ZNF790: variants seen among roughly 807,000 people sequenced by gnomAD.
ZNF790 encodes zinc finger protein 790.
In ZNF790, 8 loss-of-function variants were observed where a neutral mutation model predicts 12.1. The ratio of observed to expected loss-of-function variants is 0.66; its 90% confidence interval spans 0.39 to 1.19. ZNF790 has a LOEUF of 1.19. ZNF790 is among the 50% of genes most tolerant of loss of function. ZNF790 has a pLI of 0.01. For missense variants in ZNF790, 707 were observed against 752.2 expected, an observed-to-expected ratio of 0.94 and a Z score of 0.70; for synonymous variants, 252 against 244.3, an observed-to-expected ratio of 1.03 and a Z score of -0.29.
Position 36,818,149 on chromosome 19 carries a change from C to G in ZNF790, c.*284G>C, listed in dbSNP as rs984729497. On this transcript the variant is annotated 3_prime_UTR_variant, in exon 5 of 5. Coordinates refer to ENST00000356725, the MANE Select transcript of ZNF790 (RefSeq NM_206894.4). Reference sequence around the variant, plus strand: ...AATTATATATAAATTCTTTATGCAACATCTCTGATGAGAATGTTTTGAGAA... The same window carrying G: ...AATTATATATAAATTCTTTATGCAAGATCTCTGATGAGAATGTTTTGAGAA... 4.8e-6 allele frequency: 1 copy of G among 210,152 alleles called. No homozygotes were observed. Among genetic ancestry groups the G allele is most frequent in the Admixed American group, 5.3e-5 (1 of 19,036 alleles). The allele number at this position is 210,152 out of a possible 1,614,324, so 13.0% of individuals were successfully genotyped here.
chr19:36,842,320 C>T (rs547257804), upstream of ZNF790, among the ~76,000 whole-genome samples: 3 of 151,758 alleles, frequency 2.0e-5, no homozygotes, highest in Non-Finnish European at 2.9e-5. Flanking sequence ...AGGGCATAAA[C>T]GGAAATAAAA....
At chr19:36,828,463 CAAAA>C (rs957484149) in intron 1 of ZNF790, among the ~76,000 whole-genome samples, 1 of 116,770 alleles carries the variant, frequency 8.6e-6, no homozygotes. Context: ...AACCCCTTCT[CAAAA>C]AAAAAAAAAA....
intron 1 of ZNF790, among the ~76,000 whole-genome samples, chr19:36,845,351 G>A (rs1005290009): frequency 2.0e-5 from 3 of 151,826 alleles, no homozygotes; most frequent in Admixed American, 6.6e-5. Flanking sequence ...GGGAGGTCGA[G>A]GCTGCAGTGA....
chr19:36,825,047 C>T (rs2071767424), intron 2 of ZNF790, among the ~76,000 whole-genome samples: 1 of 152,126 alleles, frequency 6.6e-6, no homozygotes, highest in Non-Finnish European at 1.5e-5. Flanking sequence ...TTTGTCGATA[C>T]CACTGAGAGG....
At chr19:36,842,445 A>G (rs888943656), upstream of ZNF790, among the ~76,000 whole-genome samples, 1 of 152,168 alleles carries the variant, frequency 6.6e-6, no homozygotes, top group Admixed American at 6.5e-5. Context: ...TAATATTTCT[A>G]GAATTTAAAA....
In ZNF790 at chr19:36,819,570, A is replaced by G. The variant is rs765497109; in HGVS notation, c.774T>C (p.Asp258=). 8.7e-6 allele frequency: 14 copies of G among 1,611,428 alleles called. No homozygotes were observed. Among genetic ancestry groups the G allele is most frequent in the African/African-American group, 1.3e-5 (1 of 74,800 alleles). The change falls in exon 5 of 5, where the codon GAT becomes GAC. Residue 258 remains aspartate (D), a synonymous_variant. Coordinates refer to ENST00000356725, the MANE Select transcript of ZNF790 (RefSeq NM_206894.4). ...AATGAAATCTAAAGGCTTTCCCACAATCCTTACATTTAAAAGGTTTCTCAC... is the reference window on the plus strand; with the variant it reads ...AATGAAATCTAAAGGCTTTCCCACAGTCCTTACATTTAAAAGGTTTCTCAC... ...HTGEKPFKCK[D]CGKAFRFHSQ... is the part of the protein sequence containing the mutation.
chr19:36,827,265 G>C (rs1463992331), intron 1 of ZNF790, among the ~76,000 whole-genome samples: 2 of 150,638 alleles, frequency 1.3e-5, no homozygotes, highest in East Asian at 2.0e-4. Flanking sequence ...GCAGACTATG[G>C]AGGATTCACC....
At chr19:36,841,528 G>A (rs2072129209), upstream of ZNF790, among the ~76,000 whole-genome samples, 1 of 151,814 alleles carries the variant, frequency 6.6e-6, no homozygotes. Context: ...GCTGAGACAT[G>A]AGAACCTCTT....
chr19:36,837,564 GA>G (rs1255159795), intron 1 of ZNF790: 3 of 151,952 alleles, frequency 2.0e-5, no homozygotes, highest in African/African-American at 7.3e-5. Context: ...CCCTATATCT[GA>G]AATCTTCAGC....
intron 1 of ZNF790, among the ~76,000 whole-genome samples, chr19:36,849,026 C>T (rs1233289871): frequency 6.6e-6 from 1 of 152,170 alleles, no homozygotes; most frequent in African/African-American, 2.4e-5. Flanking sequence ...CTCCTGGGCT[C>T]AAGTGATCCA....
At chr19:36,827,963 C>T (rs2071866059) in intron 1 of ZNF790, 1 of 152,112 alleles carries the variant, frequency 6.6e-6, no homozygotes, top group Non-Finnish European at 1.5e-5. Context: ...CTGAGGAGTT[C>T]ATGAAAATTC....
At chr19:36,835,667 G>C (rs1009353237) in intron 1 of ZNF790, among the ~76,000 whole-genome samples, 24 of 152,068 alleles carry the variant, frequency 1.6e-4, no homozygotes, top group Admixed American at 1.2e-3. Context: ...TCTGAGTTGG[G>C]TCTTACTAGG....
At chr19:36,840,445 TTGTGACAATACA>T (rs2072120634), upstream of ZNF790, among the ~76,000 whole-genome samples, 2 of 152,286 alleles carry the variant, frequency 1.3e-5, no homozygotes, top group South Asian at 4.1e-4. Context: ...CAGCAGTGAG[TTGTGACAATACA>T]TGTGAGATGT....
intron 1 of ZNF790, among the ~76,000 whole-genome samples, chr19:36,826,009 G>T (rs2071789089): frequency 6.6e-6 from 1 of 152,048 alleles, no homozygotes; most frequent in South Asian, 2.1e-4. Context: ...TCTGGAAATG[G>T]GTCACTTGCT....
chr19:36,834,860 A>T (rs556114706), intron 1 of ZNF790, among the ~76,000 whole-genome samples: 79 of 152,384 alleles, frequency 5.2e-4, no homozygotes, highest in Non-Finnish European at 1.0e-3. Flanking sequence ...GGCAAATACA[A>T]ACAAAAAAAT....
intron 4 of ZNF790, 86 bp downstream of exon 4, chr19:36,823,199 T>C: frequency 8.1e-7 from 1 of 1,235,944 alleles, no homozygotes; most frequent in Non-Finnish European, 1.2e-6. Flanking sequence ...TCCAGACCAA[T>C]ATTTCAGAGG....
At position 36,818,116 on chromosome 19, in the gene ZNF790, C is replaced by G. The variant is rs192640452; in HGVS notation, c.*317G>C. The G allele has an allele frequency of 5.7e-6, 1 of 175,676 alleles. No individual in the cohort carries two copies. The highest frequency in any genetic ancestry group is 1.5e-4 in the East Asian group (1 of 6,770). The allele number at this position is 175,676 out of a possible 1,614,324, so 10.9% of individuals were successfully genotyped here. A position where few individuals can be genotyped will look rare whatever the true frequency, so the allele number is the denominator to read the frequency against. On this transcript the variant is annotated 3_prime_UTR_variant, in exon 5 of 5. Transcript: ENST00000356725. ...AGGATAACAGGTGTGAGCCACCATG[C>G]TTGGCCAAATTATATATAAATTCTT...
Position 36,818,861 on chromosome 19 carries a change from G to C in ZNF790, c.1483C>G (p.Arg495Gly), listed in dbSNP as rs766514175. Reference protein sequence around the residue: ...KTFFRGSELNRHQKIHTGKRP... With the variant: ...KTFFRGSELNGHQKIHTGKRP... ...TTTCCAGTATGAATTTTCTGGTGTC[G>C]ATTAAGTTCTGAACCACGAAAAAAG... The change falls in exon 5 of 5, where the codon CGA (arginine) becomes GGA (glycine). Residue 495 changes from arginine (R) to glycine (G), a missense_variant. Arg to Gly is a moderately radical substitution (Grantham distance 125, BLOSUM62 -2). Transcript: ENST00000356725. The C allele has an allele frequency of 5.0e-6, 8 of 1,613,350 alleles. No individual in the cohort carries two copies. In the Admixed American group the frequency reaches 1.2e-4, roughly 24 times the overall value.
intron 1 of ZNF790, among the ~76,000 whole-genome samples, chr19:36,828,673 C>T (rs187208890): frequency 7.9e-5 from 12 of 152,194 alleles, no homozygotes; most frequent in South Asian, 2.1e-4. Context: ...AGACGGGGTC[C>T]GCTATGTTGC....
Sources: allele counts gnomAD v4.1 joint callset (sites outside exome capture counted in the v4.1 genomes callset), GRCh38; gene constraint gnomAD v4.1.1; transcripts MANE v1.5; gene names NCBI Gene and HGNC (gene_info 2026-07-23, HGNC 2026-07-21).